Variants in DNAJC17 observed in about 807,000 individuals in gnomAD.
DNAJC17 encodes the protein DnaJ heat shock protein family (Hsp40) member C17, also known as dnaJ homolog subfamily C member 17.
A neutral mutation model predicts 48.1 loss-of-function variants in DNAJC17; 35 were observed. The observed-to-expected ratio is 0.73, with a 90% CI of 0.56 to 0.96. The LOEUF (loss-of-function observed/expected upper bound fraction) is 0.96. Among genes scored for constraint, DNAJC17 ranks in the 50% least tolerant of loss-of-function variants. The pLI is 0.00. For missense variants in DNAJC17, 355 were observed against 377.1 expected (o/e 0.94, Z 0.48); for synonymous variants, 117 against 142.7 (o/e 0.82, Z 1.28).
chr15:40,783,887 T>A (rs1431364794), intron 1 of DNAJC17, among the ~76,000 whole-genome samples: 4 of 151,998 alleles, frequency 2.6e-5, no homozygotes, highest in Admixed American at 2.0e-4. Flanking sequence ...AAAGTTTGTA[T>A]GTTCCTTGTT....
chr15:40,776,229 G>A lies in DNAJC17; in HGVS notation c.445C>T (p.Gln149Ter). The change falls in exon 6 of 11, where the codon CAG (glutamine) becomes TAG (stop). Residue 149 changes from glutamine (Q) to a stop codon, truncating the protein, a stop_gained. Transcript: ENST00000220496. LOFTEE classifies it high-confidence loss of function. ...LEEQQRLIREQIRQERDQRLR... is the reference protein window; with the variant it reads ...LEEQQRLIRE The stretch of plus-strand genomic sequence containing the variant: ...CTCTGGTCACGCTCCTGGCGTATCT[G>A]CTCCCGGATGAGCCTCTGCTGTTCC... 6.2e-7 allele frequency: 1 copy of A among 1,614,094 alleles called. No individual in the cohort carries two copies. The highest frequency in any genetic ancestry group is 8.5e-7 in the Non-Finnish European group (1 of 1,180,022).
intron 1 of DNAJC17, 116 bp from the exon 2 acceptor site, chr15:40,780,113 G>T: frequency 9.9e-7 from 1 of 1,005,958 alleles, no homozygotes; most frequent in Non-Finnish European, 1.5e-6. Context: ...AGCTGCTGGC[G>T]CCCACTTCCT....
chr15:40,791,007 A>G (rs972766192), intron 1 of DNAJC17, among the ~76,000 whole-genome samples: 2 of 152,036 alleles, frequency 1.3e-5, no homozygotes, highest in African/African-American at 2.4e-5. Flanking sequence ...ACTATCTTCA[A>G]GTGAAACCAG....
At position 40,795,038 on chromosome 15, in the gene DNAJC17, C is replaced by T. The variant is rs534218254; in HGVS notation, c.78+12331G>A. On this transcript the variant is annotated intron_variant, in intron 1 of 10. Coordinates refer to ENST00000220496, the MANE Select transcript of DNAJC17 (RefSeq NM_018163.3). ...GTTTATTTTTAATATATATTTTTAGCCGACTCTTGCTCCTCTCTGGAAAAA... is the reference window on the plus strand; with the variant it reads ...GTTTATTTTTAATATATATTTTTAGTCGACTCTTGCTCCTCTCTGGAAAAA... Among the ~76,000 whole-genome samples, 4 of 151,858 alleles carry T rather than the reference C, an allele frequency of 2.6e-5. No individual in the cohort carries two copies. In the South Asian group the frequency reaches 8.4e-4, roughly 32 times the overall value.
At chr15:40,788,068 G>A (rs1052318308) in intron 1 of DNAJC17, among the ~76,000 whole-genome samples, 12 of 152,128 alleles carry the variant, frequency 7.9e-5, no homozygotes, top group South Asian at 2.1e-4. Context: ...AAAGCATCCC[G>A]GGTAAATCAG....
rs144349267 is a variant in DNAJC17, at chr15:40,766,653, A to G, written c.*1287T>C. ...TCTGCTTCATGGTCTTTCAGCATCA[A>G]TTAAACCTGACAGAAGGACTACCAG... is the stretch of plus-strand genomic sequence containing the variant. On this transcript the variant is annotated 3_prime_UTR_variant, in exon 11 of 11. Transcript: ENST00000220496. The G allele has an allele frequency of 4.6e-5, 7 of 152,456 alleles. No individual in the cohort carries two copies. In the East Asian group the frequency reaches 1.3e-3, roughly 29 times the overall value. 9.4% of individuals were successfully genotyped at this position (152,456 alleles called of 1,614,324 possible).
intron 1 of DNAJC17, among the ~76,000 whole-genome samples, chr15:40,797,561 C>T (rs891335637): frequency 2.0e-5 from 3 of 151,250 alleles, no homozygotes; most frequent in South Asian, 2.1e-4. Context: ...TACAGGCACC[C>T]GCCACCATGC....
At chr15:40,778,890 T>C (rs1305453345) in intron 4 of DNAJC17, among the ~76,000 whole-genome samples, 1 of 152,130 alleles carries the variant, frequency 6.6e-6, no homozygotes, top group Non-Finnish European at 1.5e-5. Context: ...GCCGAGATCA[T>C]GCCACTGCGC....
At position 40,807,116 on chromosome 15, in the gene DNAJC17, C is replaced by G. The variant is rs545172747; in HGVS notation, c.78+253G>C. The G allele has an allele frequency of 4.4e-6, 4 of 901,396 alleles. No individual in the cohort carries two copies. The African/African-American group carries it at 6.7e-5, about 15-fold the overall frequency. 55.8% of individuals were successfully genotyped at this position (901,396 alleles called of 1,614,324 possible). A position where few individuals can be genotyped will look rare whatever the true frequency, so the allele number is the denominator to read the frequency against. On this transcript the variant is annotated intron_variant, in intron 1 of 10. Coordinates refer to ENST00000220496, the MANE Select transcript of DNAJC17 (RefSeq NM_018163.3). ...TCCTTGCTGCCTCGCCCCGCGGCCT[C>G]TAGGAGACAGGGGCCACGGGGAGAG...
chr15:40,788,559 G>A (rs974824558), intron 1 of DNAJC17, among the ~76,000 whole-genome samples: 1 of 152,148 alleles, frequency 6.6e-6, no homozygotes, highest in African/African-American at 2.4e-5. Context: ...AGCCGGGCAT[G>A]GTGGCGGGCG....
At position 40,767,127 on chromosome 15, in the gene DNAJC17, C is replaced by G. The variant is rs1888966267; in HGVS notation, c.*813G>C. The stretch of plus-strand genomic sequence containing the variant: ...CAGCAAGCAGCCAGCAAGTGTGAGT[C>G]ACTACAAGAGTGGCCAGGCTGCCTG... On this transcript the variant is annotated 3_prime_UTR_variant, in exon 11 of 11. Transcript: ENST00000220496. The G allele has an allele frequency of 7.9e-7, 1 of 1,262,786 alleles. No individual in the cohort carries two copies. The highest frequency in any genetic ancestry group is 1.0e-6 in the Non-Finnish European group (1 of 954,436). The allele number at this position is 1,262,786 out of a possible 1,614,324, so 78.2% of individuals were successfully genotyped here.
chr15:40,794,957 G>A (rs1376833688), intron 1 of DNAJC17, among the ~76,000 whole-genome samples: 4 of 151,980 alleles, frequency 2.6e-5, no homozygotes, highest in Admixed American at 6.6e-5. Flanking sequence ...GACCTCAGGT[G>A]AGCCCCCCGC....
Position 40,770,573 on chromosome 15 carries a change from C to A in DNAJC17, c.793-2511G>T, listed in dbSNP as rs1218382560. On this transcript the variant is annotated intron_variant, in intron 10 of 10. Coordinates refer to ENST00000220496, the MANE Select transcript of DNAJC17 (RefSeq NM_018163.3). This position sits in a 1 kb window ranked among gnomAD's most constrained non-coding sequence, Gnocchi z 5.0. ...TGAGCCTGGGGCGGCCACGGCGGCT[C>A]CGGCGACAGAGTAGTGTGCTTAGCC... 6.4e-7 allele frequency: 1 copy of A among 1,550,672 alleles called. No homozygotes were observed. Among genetic ancestry groups the A allele is most frequent in the South Asian group, 1.2e-5 (1 of 84,066 alleles).
chr15:40,793,226 T>G (rs1889856678), intron 1 of DNAJC17, among the ~76,000 whole-genome samples: 1 of 152,184 alleles, frequency 6.6e-6, no homozygotes, highest in Non-Finnish European at 1.5e-5. Context: ...CAATATATTC[T>G]TTTCTCCCTT....
At chr15:40,794,939 G>A (rs1158494462) in intron 1 of DNAJC17, among the ~76,000 whole-genome samples, 3 of 152,018 alleles carry the variant, frequency 2.0e-5, no homozygotes, top group East Asian at 2.0e-4. Flanking sequence ...GGCTGGTCTC[G>A]AACTCCTGAC....
Position 40,769,709 on chromosome 15 carries a change from C to T in DNAJC17, c.793-1647G>A, listed in dbSNP as rs527417991. Among the ~76,000 whole-genome samples the T allele has an allele frequency of 2.0e-5, 3 of 152,326 alleles. No homozygotes were observed. In the East Asian group the frequency reaches 5.8e-4, roughly 29 times the overall value. ...CCCACCCGCCCCGAACTCTTCCTAC[C>T]CAGACACTGTGGGCAGGGAGCCAGG... On this transcript the variant is annotated intron_variant, in intron 10 of 10. Coordinates refer to ENST00000220496, the MANE Select transcript of DNAJC17 (RefSeq NM_018163.3). This position sits in a 1 kb window ranked among gnomAD's most constrained non-coding sequence, Gnocchi z 4.2.
chr15:40,775,686 G>A, intron 6 of DNAJC17, 90 bp from the exon 7 acceptor site: 2 of 1,377,896 alleles, frequency 1.5e-6, no homozygotes, highest in Non-Finnish European at 2.1e-6. Flanking sequence ...GAAGGGTCTG[G>A]AAAGGGTCAC....
chr15:40,773,677 G>A, intron 10 of DNAJC17, 50 bp downstream of exon 10: 3 of 1,454,862 alleles, frequency 2.1e-6, no homozygotes, highest in Non-Finnish European at 2.8e-6. Context: ...GCCCAGGTAG[G>A]AAGAGCTCCG....
chr15:40,791,501 C>T (rs1036103206), intron 1 of DNAJC17, among the ~76,000 whole-genome samples: 1 of 151,582 alleles, frequency 6.6e-6, no homozygotes, highest in East Asian at 1.9e-4. Context: ...GCACACCAGC[C>T]AGGGTGACAG....
Sources: allele counts gnomAD v4.1 joint callset (sites outside exome capture counted in the v4.1 genomes callset), GRCh38; gene constraint gnomAD v4.1.1; non-coding constraint Gnocchi (gnomAD v3.1); transcripts MANE v1.5; gene names NCBI Gene and HGNC (gene_info 2026-07-23, HGNC 2026-07-21).